The following FRMD4A variants were observed in gnomAD, a reference collection of about 807,000 sequenced individuals.
The protein encoded by FRMD4A is FERM domain-containing protein 4A.
Under a neutral mutation model 129.1 loss-of-function variants are expected in FRMD4A, and 29 were observed. The observed-to-expected ratio is 0.22, with a 90% CI of 0.17 to 0.31. The LOEUF (loss-of-function observed/expected upper bound fraction) is 0.31, where lower values mean the gene tolerates loss of function less well. FRMD4A is among the 10% of genes least tolerant of loss of function. The probability of loss-of-function intolerance (pLI) is 1.00; values close to 1 mark genes in which losing one functional copy is unlikely to be tolerated. For missense variants in FRMD4A, 1,272 were observed against 1,375.8 expected (o/e 0.92, Z 1.19); for synonymous variants, 634 against 571.6 (o/e 1.11, Z -1.56).
Position 14,166,049 on chromosome 10 carries a change from G to A in FRMD4A, c.45+164009C>T, listed in dbSNP as rs12241524. ...CTTCATAGTAAATGCTCAATAAATG[G>A]CAATTACTATTATAGTTACTAATAA... On this transcript the variant is annotated intron_variant, in intron 2 of 24. Coordinates refer to ENST00000357447, the MANE Select transcript of FRMD4A (RefSeq NM_018027.5). Among the ~76,000 whole-genome samples the A allele has an allele frequency of 9.1e-3, 1,386 of 151,576 alleles. 17 individuals are homozygous for A. The highest frequency in any genetic ancestry group is 0.032 in the African/African-American group (1,310 of 41,352).
chr10:13,965,894 A>T (rs1392227883), intron 2 of FRMD4A, among the ~76,000 whole-genome samples: 1 of 152,230 alleles, frequency 6.6e-6, no homozygotes, highest in African/African-American at 2.4e-5. Flanking sequence ...GATAATAGGG[A>T]TGTTGGCAGG....
chr10:13,796,653 G>T, intron 4 of FRMD4A, 65 bp from the exon 5 acceptor site: 1 of 818,372 alleles, frequency 1.2e-6, no homozygotes, highest in South Asian at 1.3e-5. Context: ...TGGGGTTGAA[G>T]GTATATATGA....
At chr10:14,102,863 C>A (rs959199596) in intron 2 of FRMD4A, among the ~76,000 whole-genome samples, 1 of 151,868 alleles carries the variant, frequency 6.6e-6, no homozygotes, top group African/African-American at 2.4e-5. Flanking sequence ...TCTGACAGCT[C>A]AATTTTCCAA....
chr10:13,896,014 A>C (rs2094753980), intron 2 of FRMD4A, among the ~76,000 whole-genome samples: 1 of 152,202 alleles, frequency 6.6e-6, no homozygotes, highest in African/African-American at 2.4e-5. Context: ...AAAAGTCAGG[A>C]AACAACAGGT....
At chr10:14,022,923 T>A (rs1404238911) in intron 2 of FRMD4A, among the ~76,000 whole-genome samples, 1 of 152,014 alleles carries the variant, frequency 6.6e-6, no homozygotes, top group Admixed American at 6.6e-5. Context: ...ATAAAACAGT[T>A]CCCTGATTAA....
chr10:13,995,526 A>C (rs982947828), intron 2 of FRMD4A, among the ~76,000 whole-genome samples: 2 of 152,208 alleles, frequency 1.3e-5, no homozygotes, highest in African/African-American at 4.8e-5. Flanking sequence ...TGGGGGTTGC[A>C]GTGAGCTGAG....
At chr10:13,807,485 C>G (rs979031307) in intron 4 of FRMD4A, among the ~76,000 whole-genome samples, 1 of 152,158 alleles carries the variant, frequency 6.6e-6, no homozygotes, top group Non-Finnish European at 1.5e-5. Flanking sequence ...TTCTTTAAGT[C>G]TATTTCAAAA....
chr10:14,329,573 C>A (rs138579284), intron 2 of FRMD4A, among the ~76,000 whole-genome samples: 2 of 152,174 alleles, frequency 1.3e-5, no homozygotes, highest in African/African-American at 4.8e-5. Flanking sequence ...ATCACTGAAG[C>A]CACAGTGAAC....
At chr10:13,753,541 A>ATTTTTTT (rs35813128) in intron 8 of FRMD4A, among the ~76,000 whole-genome samples, 2 of 115,308 alleles carry the variant, frequency 1.7e-5, no homozygotes, top group Non-Finnish European at 3.5e-5. Flanking sequence ...GTACCTTTCT[A>ATTTTTTT]TTTTTTTTTT....
At chr10:13,898,935 C>T (rs1190216473) in intron 2 of FRMD4A, among the ~76,000 whole-genome samples, 2 of 152,150 alleles carry the variant, frequency 1.3e-5, no homozygotes, top group Non-Finnish European at 2.9e-5. Flanking sequence ...GTAATTCCAG[C>T]TCTCTGGAGG....
intron 2 of FRMD4A, among the ~76,000 whole-genome samples, chr10:14,114,462 T>C (rs1364393220): frequency 6.6e-6 from 1 of 152,230 alleles, no homozygotes; most frequent in East Asian, 1.9e-4. Context: ...AATGGATTTA[T>C]TCCTATTTTT....
intron 2 of FRMD4A, among the ~76,000 whole-genome samples, chr10:14,127,905 G>GCTTGCTTT (rs1564318781): frequency 1.5e-5 from 2 of 136,480 alleles, no homozygotes; most frequent in Non-Finnish European, 3.1e-5. Flanking sequence ...TTTATATTTT[G>GCTTGCTTT]CTTTCTTTCT....
chr10:14,130,855 A>G, intron 2 of FRMD4A, among the ~76,000 whole-genome samples: 1 of 152,192 alleles, frequency 6.6e-6, no homozygotes. Flanking sequence ...TACTAGGCCC[A>G]AGCTGTTTGG....
At chr10:13,935,512 C>T (rs967373916) in intron 2 of FRMD4A, among the ~76,000 whole-genome samples, 1 of 149,972 alleles carries the variant, frequency 6.7e-6, no homozygotes, top group Admixed American at 6.6e-5. Context: ...CCAGAAAATC[C>T]CAGGACAATC....
chr10:14,243,853 C>A (rs1419011339), intron 2 of FRMD4A, among the ~76,000 whole-genome samples: 2 of 148,824 alleles, frequency 1.3e-5, no homozygotes. Context: ...AAGGAGTAGT[C>A]AGCCCCAGGA....
At chr10:13,728,623 T>C (rs752248021) in intron 12 of FRMD4A, among the ~76,000 whole-genome samples, 41 of 139,536 alleles carry the variant, frequency 2.9e-4, no homozygotes, top group Non-Finnish European at 3.8e-4. Flanking sequence ...CAGGCTGGAG[T>C]GCAGTGGCGT....
At chr10:13,740,489 T>G in intron 10 of FRMD4A, 23 bp downstream of exon 10, 1 of 1,425,486 alleles carries the variant, frequency 7.0e-7, no homozygotes, top group Non-Finnish European at 9.9e-7. Flanking sequence ...TGTCCCCATG[T>G]GAGCTGGGAA....
chr10:13,929,439 T>C lies in FRMD4A; in HGVS notation c.46-70527A>G, dbSNP rs371715698. On this transcript the variant is annotated intron_variant, in intron 2 of 24. Coordinates refer to ENST00000357447, the MANE Select transcript of FRMD4A (RefSeq NM_018027.5). Reference sequence around the variant, plus strand: ...CTGGGTCACCTGCTTACCCGAGTGCTGCACCTTGAAGGTTTGCCATGGTAG... The same window carrying C: ...CTGGGTCACCTGCTTACCCGAGTGCCGCACCTTGAAGGTTTGCCATGGTAG... 7.0e-4 allele frequency among the ~76,000 whole-genome samples: 107 copies of C among 152,330 alleles called. 4 individuals carry two copies. The South Asian group carries it at 0.021, about 30-fold the overall frequency.
At chr10:14,056,907 A>C (rs1834561420) in intron 2 of FRMD4A, among the ~76,000 whole-genome samples, 1 of 152,160 alleles carries the variant, frequency 6.6e-6, no homozygotes, top group East Asian at 1.9e-4. Flanking sequence ...TATTTGGAAA[A>C]ATTCTTGTTC....
Sources: gnomAD v4.1 joint callset for allele counts (sites outside exome capture counted in the v4.1 genomes callset) on GRCh38, gnomAD v4.1.1 for gene constraint, MANE v1.5 for transcripts, NCBI Gene and HGNC (gene_info 2026-07-23, HGNC 2026-07-21) for gene names.